Variants in BRINP3 observed in about 807,000 individuals in gnomAD.
The protein encoded by BRINP3 is BMP/retinoic acid inducible neural specific 3.
In BRINP3, 19 loss-of-function variants were observed where a neutral mutation model predicts 71.0. The observed-to-expected ratio is 0.27, with a 90% confidence interval of 0.19 to 0.39. The LOEUF (loss-of-function observed/expected upper bound fraction) is 0.39. BRINP3 is among the 10% of genes least tolerant of loss of function. BRINP3 has a pLI of 1.00. For missense variants in BRINP3, 959 were observed against 940.8 expected (o/e 1.02, Z -0.25); for synonymous variants, 380 against 337.7 (o/e 1.13, Z -1.37).
At chr1:190,417,068 A>G (rs540278818) in intron 2 of BRINP3, among the ~76,000 whole-genome samples, 26 of 152,306 alleles carry the variant, frequency 1.7e-4, no homozygotes, top group Middle Eastern at 6.8e-3. Flanking sequence ...TCCTGTTGCT[A>G]AGGAACTTAC....
chr1:190,244,026 C>G lies in BRINP3; in HGVS notation c.619-9549G>C, dbSNP rs542128747. On this transcript the variant is annotated intron_variant, in intron 4 of 7. Coordinates refer to ENST00000367462, the MANE Select transcript of BRINP3 (RefSeq NM_199051.3). ...TGGCAGGAAAACAAGCTCAGGGATC[C>G]CACTAACTCCACATTACAGTGAATT... Among the ~76,000 whole-genome samples the G allele has an allele frequency of 2.0e-5, 3 of 152,058 alleles. No individual in the cohort carries two copies. In the East Asian group the frequency reaches 5.8e-4, roughly 29 times the overall value.
At chr1:190,211,777 C>T (rs1376777941) in intron 6 of BRINP3, among the ~76,000 whole-genome samples, 2 of 152,196 alleles carry the variant, frequency 1.3e-5, no homozygotes, top group East Asian at 3.9e-4. Context: ...CTGTTTGGCA[C>T]TCCATAGCCA....
rs186449350 is a variant in BRINP3 at position 190,258,194 on chromosome 1, G to A, written c.618+6671C>T. Among the ~76,000 whole-genome samples, 327 of 152,268 alleles carry A rather than the reference G, an allele frequency of 2.1e-3. 1 individual carries two copies. Among genetic ancestry groups the A allele is most frequent in the Non-Finnish European group, 3.7e-3 (253 of 68,030 alleles). On this transcript the variant is annotated intron_variant, in intron 4 of 7. Transcript: ENST00000367462. ...CAACTACTCAAGCCTCAGCAATGAC[G>A]GACGCCCCTCCCCCTGCCAGGCTAC...
At chr1:190,175,628 C>G (rs1199113184) in intron 6 of BRINP3, among the ~76,000 whole-genome samples, 1 of 152,080 alleles carries the variant, frequency 6.6e-6, no homozygotes, top group Non-Finnish European at 1.5e-5. Context: ...ATATTAAAAA[C>G]TAAAACTTTA....
chr1:190,301,227 A>G (rs1301965110), intron 2 of BRINP3, among the ~76,000 whole-genome samples: 13 of 125,524 alleles, frequency 1.0e-4, no homozygotes, highest in African/African-American at 4.0e-4. Context: ...ATATATATAT[A>G]TATATATACA....
intron 6 of BRINP3, among the ~76,000 whole-genome samples, chr1:190,193,918 A>G (rs1286344074): frequency 6.6e-6 from 1 of 152,082 alleles, no homozygotes; most frequent in East Asian, 1.9e-4. Context: ...CAGATGGCCT[A>G]ATAACACTAA....
At chr1:190,172,967 G>A (rs1239615458) in intron 6 of BRINP3, among the ~76,000 whole-genome samples, 2 of 152,118 alleles carry the variant, frequency 1.3e-5, no homozygotes, top group Non-Finnish European at 2.9e-5. Flanking sequence ...ATTCATGACA[G>A]GGCTTTGAGA....
chr1:190,475,731 C>G (rs1225897791), intron 1 of BRINP3: 3 of 152,356 alleles, frequency 2.0e-5, no homozygotes, highest in Admixed American at 1.3e-4. Context: ...ATGTAAATTT[C>G]CCTTTCACAC....
intron 5 of BRINP3, among the ~76,000 whole-genome samples, chr1:190,233,375 C>T (rs954524282): frequency 9.9e-5 from 15 of 151,906 alleles, no homozygotes; most frequent in Non-Finnish European, 1.6e-4. Context: ...TTTTTTAGGT[C>T]TCACTATGTT....
At chr1:190,140,894 C>T (rs372852018) in intron 7 of BRINP3, among the ~76,000 whole-genome samples, 10 of 152,238 alleles carry the variant, frequency 6.6e-5, no homozygotes, top group East Asian at 5.8e-4. Context: ...GATAGTCTGC[C>T]ACTCCTCCCT....
intron 7 of BRINP3, among the ~76,000 whole-genome samples, chr1:190,156,760 A>T (rs1656904136): frequency 6.6e-6 from 1 of 152,030 alleles, no homozygotes; most frequent in Non-Finnish European, 1.5e-5. Context: ...GCAATATTTG[A>T]CTTATTTAAT....
chr1:190,401,376 C>CAAAAA (rs762938571), intron 2 of BRINP3, among the ~76,000 whole-genome samples: 93 of 89,276 alleles, frequency 1.0e-3, no homozygotes, highest in African/African-American at 1.2e-3. Flanking sequence ...CATCTCAAAA[C>CAAAAA]AAAAAAAAAA....
intron 7 of BRINP3, among the ~76,000 whole-genome samples, chr1:190,107,780 C>T (rs1037781499): frequency 6.6e-6 from 1 of 151,896 alleles, no homozygotes; most frequent in Non-Finnish European, 1.5e-5. Flanking sequence ...AAATTGACCT[C>T]GACTTATGTT....
At chr1:190,148,213 A>G (rs1278906322) in intron 7 of BRINP3, among the ~76,000 whole-genome samples, 2 of 151,988 alleles carry the variant, frequency 1.3e-5, no homozygotes, top group Non-Finnish European at 2.9e-5. Context: ...GCCTCTTCTC[A>G]ATGAAATATC....
intron 6 of BRINP3, among the ~76,000 whole-genome samples, chr1:190,163,489 A>G (rs2247204): frequency 0.61 from 93,390 of 151,868 alleles, 30,100 homozygotes; most frequent in African/African-American, 0.83. Flanking sequence ...TTTTGAGGAC[A>G]ATGGAGAAAC....
At chr1:190,450,172 G>A (rs945855946) in intron 2 of BRINP3, among the ~76,000 whole-genome samples, 11 of 152,092 alleles carry the variant, frequency 7.2e-5, no homozygotes, top group Admixed American at 3.3e-4. Flanking sequence ...GGATCCTGTC[G>A]TAGAGAGGGA....
At chr1:190,276,562 C>T (rs1032896995) in intron 3 of BRINP3, among the ~76,000 whole-genome samples, 1 of 151,470 alleles carries the variant, frequency 6.6e-6, no homozygotes, top group East Asian at 1.9e-4. Flanking sequence ...AAGACACACA[C>T]ACACACACAC....
chr1:190,130,795 A>C (rs749584871), intron 7 of BRINP3, among the ~76,000 whole-genome samples: 1 of 151,938 alleles, frequency 6.6e-6, no homozygotes, highest in Non-Finnish European at 1.5e-5. Flanking sequence ...TTGGGCCCTT[A>C]TAAAACAGGC....
At chr1:190,337,260 A>G (rs1667352428) in intron 2 of BRINP3, among the ~76,000 whole-genome samples, 1 of 152,136 alleles carries the variant, frequency 6.6e-6, no homozygotes, top group Admixed American at 6.6e-5. Context: ...ATGCTTTGTT[A>G]GCTTTTGTTG....
Sources: allele counts gnomAD v4.1 joint callset (sites outside exome capture counted in the v4.1 genomes callset), GRCh38; gene constraint gnomAD v4.1.1; transcripts MANE v1.5; gene names NCBI Gene and HGNC (gene_info 2026-07-23, HGNC 2026-07-21).